LCLAT1: variants seen among roughly 807,000 people sequenced by gnomAD.
LCLAT1 encodes 1-AGP acyltransferase 8.
LCLAT1 carries 11 observed loss-of-function variants against 30.7 expected under a neutral mutation model. That is an observed-to-expected ratio of 0.36 (90% confidence interval 0.23 to 0.59). The LOEUF is 0.59. Ranked by LOEUF, LCLAT1 falls within the 20% of genes least tolerant of loss-of-function variation. The pLI is 0.77. For synonymous variants in LCLAT1, 155 were observed against 151.3 expected, an observed-to-expected ratio of 1.02 and a Z score of -0.18; for missense variants, 402 against 458.6, an observed-to-expected ratio of 0.88 and a Z score of 1.13.
chr2:30,483,094 T>G (rs559123355), intron 1 of LCLAT1, among the ~76,000 whole-genome samples: 2 of 152,312 alleles, frequency 1.3e-5, no homozygotes, highest in South Asian at 4.1e-4. Flanking sequence ...GTAATATTGC[T>G]TCATTAGTTG....
chr2:30,606,846 A>G (rs1667465512), intron 5 of LCLAT1: 1 of 152,176 alleles, frequency 6.6e-6, no homozygotes, highest in Admixed American at 6.5e-5. Context: ...CCATCTGACA[A>G]AGGTCTAATA....
At chr2:30,505,982 A>C (rs1331236211) in intron 1 of LCLAT1, among the ~76,000 whole-genome samples, 1 of 152,126 alleles carries the variant, frequency 6.6e-6, no homozygotes, top group African/African-American at 2.4e-5. Flanking sequence ...GACTTCCCCC[A>C]GGGAATTACC....
intron 1 of LCLAT1, among the ~76,000 whole-genome samples, chr2:30,475,659 G>A (rs1683010946): frequency 6.6e-6 from 1 of 152,128 alleles, no homozygotes; most frequent in African/African-American, 2.4e-5. Context: ...ACTCAGCCCA[G>A]TATTTTTCTT....
At chr2:30,451,894 G>A (rs1009677749) in intron 1 of LCLAT1, among the ~76,000 whole-genome samples, 7 of 152,176 alleles carry the variant, frequency 4.6e-5, no homozygotes, top group Admixed American at 1.3e-4. Flanking sequence ...TTTATAAGAC[G>A]AAACACTGCA....
chr2:30,564,222 A>C (rs970287054), intron 4 of LCLAT1, among the ~76,000 whole-genome samples: 11 of 152,168 alleles, frequency 7.2e-5, no homozygotes, highest in Non-Finnish European at 1.5e-4. Context: ...AGCTTTATTT[A>C]ATAAATATAG....
intron 5 of LCLAT1, among the ~76,000 whole-genome samples, chr2:30,634,868 A>G (rs1286357628): frequency 6.6e-6 from 1 of 152,206 alleles, no homozygotes; most frequent in Non-Finnish European, 1.5e-5. Context: ...TTTCATATGA[A>G]CCAAGCCCCA....
chr2:30,616,428 C>G (rs576861527), intron 5 of LCLAT1, among the ~76,000 whole-genome samples: 68 of 152,234 alleles, frequency 4.5e-4, no homozygotes, highest in Middle Eastern at 3.4e-3. Flanking sequence ...TTTGATACAC[C>G]TAAGCCCTGC....
intron 5 of LCLAT1, among the ~76,000 whole-genome samples, chr2:30,602,880 A>T (rs1012792889): frequency 2.0e-5 from 3 of 152,248 alleles, no homozygotes; most frequent in Admixed American, 2.0e-4. Flanking sequence ...AGACAAAGAT[A>T]AGAAGATGTC....
At chr2:30,551,243 G>A (rs1483142940) in intron 3 of LCLAT1, among the ~76,000 whole-genome samples, 1 of 152,118 alleles carries the variant, frequency 6.6e-6, no homozygotes, top group African/African-American at 2.4e-5. Flanking sequence ...CTGGGCTCAC[G>A]CCAACCTCCT....
At position 30,599,830 on chromosome 2, in the gene LCLAT1, T is replaced by C. The variant is rs564466488; in HGVS notation, c.628+31654T>C. Among the ~76,000 whole-genome samples, 20 of 152,342 alleles carry C rather than the reference T, an allele frequency of 1.3e-4. No homozygotes were observed. In the South Asian group the frequency reaches 3.7e-3, roughly 28 times the overall value. ...TTCCTCCATCCCTTTATTTTGAGCCTATGTATGTCTTTGCATGTGAGATGG... is the reference window on the plus strand; with the variant it reads ...TTCCTCCATCCCTTTATTTTGAGCCCATGTATGTCTTTGCATGTGAGATGG... On this transcript the variant is annotated intron_variant, in intron 5 of 5. Coordinates refer to ENST00000379509, the MANE Select transcript of LCLAT1 (RefSeq NM_001002257.3).
chr2:30,472,161 A>G (rs1235506905), intron 1 of LCLAT1, among the ~76,000 whole-genome samples: 2 of 152,216 alleles, frequency 1.3e-5, no homozygotes, highest in African/African-American at 4.8e-5. Flanking sequence ...AAACATCCAC[A>G]TGGTTGTAAT....
intron 5 of LCLAT1, among the ~76,000 whole-genome samples, chr2:30,605,107 G>A (rs1667373941): frequency 6.6e-6 from 1 of 152,206 alleles, no homozygotes. Flanking sequence ...ACCAGTTTTA[G>A]GACAGTGCTT....
chr2:30,501,808 T>C (rs958781984), intron 1 of LCLAT1, among the ~76,000 whole-genome samples: 7 of 152,202 alleles, frequency 4.6e-5, no homozygotes, highest in African/African-American at 1.7e-4. Context: ...TCTCAATAAT[T>C]CTATATTAGA....
intron 5 of LCLAT1, among the ~76,000 whole-genome samples, chr2:30,573,278 C>T (rs1207879372): frequency 6.6e-6 from 1 of 152,130 alleles, no homozygotes; most frequent in Non-Finnish European, 1.5e-5. Context: ...CTGGTCTGGG[C>T]CTTCATTGTA....
At chr2:30,476,826 G>C (rs1166741483) in intron 1 of LCLAT1, among the ~76,000 whole-genome samples, 1 of 152,178 alleles carries the variant, frequency 6.6e-6, no homozygotes, top group Admixed American at 6.5e-5. Flanking sequence ...CTTACAGGCT[G>C]TCAGCTCTCT....
chr2:30,458,404 C>A (rs1681938323), intron 1 of LCLAT1, among the ~76,000 whole-genome samples: 1 of 152,052 alleles, frequency 6.6e-6, no homozygotes, highest in South Asian at 2.1e-4. Flanking sequence ...CTGCCAAGGA[C>A]CTTGGTAGAT....
At chr2:30,573,142 A>C (rs2363073) in intron 5 of LCLAT1, among the ~76,000 whole-genome samples, 96,973 of 152,030 alleles carry the variant, frequency 0.64, 31,070 homozygotes, top group Non-Finnish European at 0.68. Flanking sequence ...TGCAAGCCAG[A>C]AACCTGGGAG....
chr2:30,609,180 T>G (rs910847184), intron 5 of LCLAT1, among the ~76,000 whole-genome samples: 1 of 152,184 alleles, frequency 6.6e-6, no homozygotes, highest in Non-Finnish European at 1.5e-5. Context: ...TATAATCCCT[T>G]GTTGAATTTT....
In LCLAT1 at chr2:30,611,079, T is replaced by G. The variant is rs570866218; in HGVS notation, c.629-29038T>G. Reference sequence around the variant, plus strand: ...TGGCTTCACCACTGCTCTTCTACTTTTAGCTTTTTTTTTTTTTTCCTATCA... The same window carrying G: ...TGGCTTCACCACTGCTCTTCTACTTGTAGCTTTTTTTTTTTTTTCCTATCA... On this transcript the variant is annotated intron_variant, in intron 5 of 5. Transcript: ENST00000379509. Among the ~76,000 whole-genome samples, 57 of 151,994 alleles carry G rather than the reference T, an allele frequency of 3.8e-4. 1 individual carries two copies. In the Middle Eastern group the frequency reaches 0.01, roughly 27 times the overall value.
Sources: allele counts gnomAD v4.1 joint callset (sites outside exome capture counted in the v4.1 genomes callset), GRCh38; gene constraint gnomAD v4.1.1; transcripts MANE v1.5; gene names NCBI Gene and HGNC (gene_info 2026-07-23, HGNC 2026-07-21).